CCSER2: variants seen among roughly 807,000 people sequenced by gnomAD.
CCSER2 encodes serine-rich coiled-coil domain-containing protein 2.
In CCSER2, 46 loss-of-function variants were observed where a neutral mutation model predicts 92.3. The observed-to-expected ratio is 0.50, with a 90% confidence interval of 0.39 to 0.64. The LOEUF is 0.64. Among genes scored for constraint, CCSER2 ranks in the 30% least tolerant of loss-of-function variants. The pLI is 0.00. For missense variants in CCSER2, 1,244 were observed against 1,238.9 expected, an observed-to-expected ratio of 1.00 and a Z score of -0.06; for synonymous variants, 433 against 431.4, an observed-to-expected ratio of 1.00 and a Z score of -0.04.
chr10:84,387,764 G>A (rs992616478), intron 3 of CCSER2, among the ~76,000 whole-genome samples: 10 of 152,210 alleles, frequency 6.6e-5, no homozygotes, highest in East Asian at 5.8e-4. Flanking sequence ...TCCTGACTTC[G>A]TGATCCGCCC....
intron 5 of CCSER2, among the ~76,000 whole-genome samples, chr10:84,432,468 T>C (rs1012565900): frequency 3.9e-5 from 6 of 152,220 alleles, no homozygotes; most frequent in African/African-American, 1.4e-4. Context: ...GTGAGTACAA[T>C]GTTTAGCTCC....
At chr10:84,406,804 C>T (rs890228751) in intron 3 of CCSER2, among the ~76,000 whole-genome samples, 2 of 152,194 alleles carry the variant, frequency 1.3e-5, no homozygotes, top group Non-Finnish European at 2.9e-5. Flanking sequence ...AACCAATTTC[C>T]GCACTGCGTG....
At chr10:84,413,229 A>C (rs1042667460) in intron 3 of CCSER2, among the ~76,000 whole-genome samples, 2 of 148,372 alleles carry the variant, frequency 1.3e-5, no homozygotes, top group Admixed American at 1.4e-4. Flanking sequence ...TAGTCCTTTT[A>C]GTTGTGATGT....
chr10:84,425,886 T>C lies in CCSER2; in HGVS notation c.1861T>C (p.Leu621=). The part of the protein sequence containing the change: ...DHYHHHGKSD[L]SRGSPYRESP... Reference sequence around the variant, plus strand: ...CTATCATCACCATGGAAAAAGTGACTTGAGCAGGTAAGTACTGTTCTGACT... The same window carrying C: ...CTATCATCACCATGGAAAAAGTGACCTGAGCAGGTAAGTACTGTTCTGACT... Residue 621 remains leucine, a synonymous_variant, in exon 5 of 10, where the codon TTG becomes CTG. Transcript: ENST00000372088. 1 of 1,599,376 alleles carries C rather than the reference T, an allele frequency of 6.3e-7. No individual in the cohort carries two copies. Among genetic ancestry groups the C allele is most frequent in the Non-Finnish European group, 8.5e-7 (1 of 1,171,344 alleles).
intron 9 of CCSER2, among the ~76,000 whole-genome samples, chr10:84,491,294 G>C (rs1367731747): frequency 6.6e-6 from 1 of 152,218 alleles, no homozygotes; most frequent in Non-Finnish European, 1.5e-5. Flanking sequence ...TAAGTCTGCA[G>C]AGGTTTCTGC....
intron 9 of CCSER2, among the ~76,000 whole-genome samples, chr10:84,501,590 C>T (rs1848722436): frequency 1.3e-5 from 2 of 151,302 alleles, no homozygotes; most frequent in Admixed American, 1.3e-4. Context: ...TTGTCTTTTC[C>T]TTGATTCAGT....
rs141667701 is a variant in CCSER2, at chr10:84,512,367, AGTGT to A, written c.2326-1056_2326-1053del. Among the ~76,000 whole-genome samples, 312 of 139,416 alleles carry A rather than the reference AGTGT, an allele frequency of 2.2e-3. 2 individuals are homozygous for A. Among genetic ancestry groups the A allele is most frequent in the Non-Finnish European group, 3.4e-3 (219 of 64,162 alleles). The allele number at this position is 139,416 out of a possible 152,430, so 91.5% of individuals were successfully genotyped here. A position where few individuals can be genotyped will look rare whatever the true frequency, so the allele number is the denominator to read the frequency against. ...ACATTTTAGCCCACATTATTTAAAC[AGTGT>A]GTGTGTGTGTGTGTGTGTGTGTGTG... is the stretch of plus-strand genomic sequence containing the variant. On this transcript the variant is annotated intron_variant, in intron 9 of 9. Coordinates refer to ENST00000372088, the MANE Select transcript of CCSER2 (RefSeq NM_001284240.2).
chr10:84,352,673 C>T (rs760065713), intron 1 of CCSER2, among the ~76,000 whole-genome samples: 1 of 152,020 alleles, frequency 6.6e-6, no homozygotes, highest in African/African-American at 2.4e-5. Context: ...TGATTCCTGA[C>T]TCTCTATGTG....
At chr10:84,498,980 A>G (rs777983010) in intron 9 of CCSER2, among the ~76,000 whole-genome samples, 4 of 152,244 alleles carry the variant, frequency 2.6e-5, no homozygotes, top group South Asian at 2.1e-4. Flanking sequence ...AAAAGCCACA[A>G]GTTATTGAAA....
intron 5 of CCSER2, among the ~76,000 whole-genome samples, chr10:84,434,579 A>G (rs984330227): frequency 2.6e-5 from 4 of 152,202 alleles, no homozygotes; most frequent in Non-Finnish European, 5.9e-5. Context: ...AATATAGGTG[A>G]AGGGTATATT....
In CCSER2 at chr10:84,514,794, G is replaced by A. The variant is rs1342686207; in HGVS notation, c.*527G>A. 6.5e-6 allele frequency: 1 copy of A among 152,852 alleles called. No homozygotes were observed. Among genetic ancestry groups the A allele is most frequent in the Admixed American group, 6.5e-5 (1 of 15,290 alleles). The allele number at this position is 152,852 out of a possible 1,614,324, so 9.5% of individuals were successfully genotyped here. A position where few individuals can be genotyped will look rare whatever the true frequency, so the allele number is the denominator to read the frequency against. ...CAAAAGCTTTGTGATGAATAAAGGA[G>A]ATTAGGCTTTTAATGGAAAGTCTAT... On this transcript the variant is annotated 3_prime_UTR_variant, in exon 10 of 10. Transcript: ENST00000372088.
At chr10:84,487,043 T>C (rs1168477652) in intron 9 of CCSER2, among the ~76,000 whole-genome samples, 1 of 152,246 alleles carries the variant, frequency 6.6e-6, no homozygotes, top group African/African-American at 2.4e-5. Flanking sequence ...TGTCAAAGAT[T>C]AGATGGTTGT....
At chr10:84,338,291 TAAA>T (rs77000035) in intron 1 of CCSER2, among the ~76,000 whole-genome samples, 1,352 of 108,864 alleles carry the variant, frequency 0.012, 35 homozygotes, top group Admixed American at 0.073. Flanking sequence ...AAGAAAAACT[TAAA>T]AAAAAAAAAA....
At chr10:84,485,684 A>G (rs931061254) in intron 9 of CCSER2, among the ~76,000 whole-genome samples, 3 of 152,186 alleles carry the variant, frequency 2.0e-5, no homozygotes, top group Non-Finnish European at 4.4e-5. Context: ...CATTAATTTA[A>G]GCATTTTTGA....
At chr10:84,459,467 A>G (rs1845968786) in intron 6 of CCSER2, among the ~76,000 whole-genome samples, 1 of 151,924 alleles carries the variant, frequency 6.6e-6, no homozygotes, top group South Asian at 2.1e-4. Context: ...AGAATATTCC[A>G]TGTTTCACCA....
intron 7 of CCSER2, among the ~76,000 whole-genome samples, chr10:84,466,033 C>T (rs1448093749): frequency 2.6e-5 from 4 of 152,154 alleles, no homozygotes; most frequent in South Asian, 2.1e-4. Flanking sequence ...CCACTGTGCC[C>T]GGCCATATGA....
chr10:84,414,115 G>A (rs1293850065), intron 3 of CCSER2, among the ~76,000 whole-genome samples: 2 of 152,140 alleles, frequency 1.3e-5, no homozygotes, highest in Non-Finnish European at 2.9e-5. Context: ...GCCATTTTGT[G>A]TCTTTTAATT....
intron 4 of CCSER2, among the ~76,000 whole-genome samples, chr10:84,424,533 A>G (rs1473293591): frequency 6.6e-6 from 1 of 152,238 alleles, no homozygotes; most frequent in African/African-American, 2.4e-5. Flanking sequence ...CTGAACATCT[A>G]TACTTTTAAA....
chr10:84,332,440 T>A (rs865978579), intron 1 of CCSER2, among the ~76,000 whole-genome samples: 17 of 102,870 alleles, frequency 1.7e-4, no homozygotes, highest in South Asian at 3.3e-4. Flanking sequence ...ATATATATTT[T>A]TTTTTTTTTT....
Sources: allele counts gnomAD v4.1 joint callset (sites outside exome capture counted in the v4.1 genomes callset), GRCh38; gene constraint gnomAD v4.1.1; transcripts MANE v1.5; gene names NCBI Gene and HGNC (gene_info 2026-07-23, HGNC 2026-07-21).